Variants in AMPH observed in about 807,000 individuals in gnomAD.
AMPH encodes amphiphysin.
In AMPH, 49 loss-of-function variants were observed where a neutral mutation model predicts 99.1. That is an observed-to-expected ratio of 0.49 (90% CI 0.39 to 0.63). AMPH has a LOEUF of 0.63. AMPH is among the 20% of genes least tolerant of loss of function. AMPH has a pLI of 0.00. For synonymous variants in AMPH, 314 were observed against 317.3 expected (o/e 0.99, Z 0.11); for missense variants, 759 against 863.4 (o/e 0.88, Z 1.52).
intron 11 of AMPH, among the ~76,000 whole-genome samples, chr7:38,458,694 A>G (rs1787324865): frequency 1.3e-5 from 2 of 152,316 alleles, no homozygotes; most frequent in South Asian, 4.1e-4. Flanking sequence ...CAACTAGGAA[A>G]TAGAAGGAAC....
intron 11 of AMPH, among the ~76,000 whole-genome samples, chr7:38,439,006 C>G (rs1786399328): frequency 6.6e-6 from 1 of 152,162 alleles, no homozygotes; most frequent in Non-Finnish European, 1.5e-5. Flanking sequence ...TGAGAGGTGA[C>G]TGGATCATGG....
At chr7:38,556,235 A>T (rs1304530859) in intron 1 of AMPH, among the ~76,000 whole-genome samples, 1 of 152,224 alleles carries the variant, frequency 6.6e-6, no homozygotes, top group African/African-American at 2.4e-5. Flanking sequence ...CCTTTAAAAA[A>T]ATGTGATCGA....
At chr7:38,419,513 A>C (rs1785511535) in intron 16 of AMPH, among the ~76,000 whole-genome samples, 1 of 152,246 alleles carries the variant, frequency 6.6e-6, no homozygotes, top group South Asian at 2.1e-4. Flanking sequence ...GATAAAATTC[A>C]CACTAATATG....
chr7:38,422,470 T>C lies in AMPH; in HGVS notation c.1223A>G (p.Asp408Gly). Residue 408 changes from aspartate (D) to glycine (G), a missense_variant, in exon 16 of 21, where the codon GAT becomes GGT. Around this residue, in one of 2 missense-constraint regions of AMPH, gnomAD observed 554 missense variants for 575.6 expected, o/e 0.96. Transcript: ENST00000356264. ...TGTCTGCATTGTGAATAATGAAGTA[T>C]CCTGGGGCTGAAAATCAAGGATAAA... The part of the protein sequence containing the change: ...GSFNGFTQPQ[D>G]TSLFTMQTDQ... 6.2e-7 allele frequency: 1 copy of C among 1,613,146 alleles called. No individual in the cohort carries two copies. Among genetic ancestry groups the C allele is most frequent in the East Asian group, 2.2e-5 (1 of 44,840 alleles).
intron 18 of AMPH, among the ~76,000 whole-genome samples, chr7:38,393,470 G>T (rs1417581073): frequency 6.6e-6 from 1 of 152,134 alleles, no homozygotes; most frequent in Non-Finnish European, 1.5e-5. Flanking sequence ...GCCGAGCAGG[G>T]CCCCCTCCCG....
At chr7:38,582,918 G>T (rs909772331) in intron 1 of AMPH, among the ~76,000 whole-genome samples, 1 of 152,130 alleles carries the variant, frequency 6.6e-6, no homozygotes, top group Non-Finnish European at 1.5e-5. Flanking sequence ...AGCACAATTT[G>T]GTCCATAGAT....
chr7:38,552,344 C>T (rs1047521454), intron 1 of AMPH, among the ~76,000 whole-genome samples: 2 of 152,208 alleles, frequency 1.3e-5, no homozygotes, highest in Admixed American at 6.5e-5. Flanking sequence ...GAGGTCTGCA[C>T]AGATCATTTG....
At chr7:38,600,223 T>C (rs1453437351) in intron 1 of AMPH, among the ~76,000 whole-genome samples, 1 of 152,198 alleles carries the variant, frequency 6.6e-6, no homozygotes, top group Non-Finnish European at 1.5e-5. Flanking sequence ...ATTGCTTCTT[T>C]TGAGAACAAT....
At chr7:38,390,930 G>C (rs976416561) in intron 19 of AMPH, among the ~76,000 whole-genome samples, 5 of 145,028 alleles carry the variant, frequency 3.4e-5, no homozygotes, top group African/African-American at 1.0e-4. Context: ...TAGCAAGGTA[G>C]CAGTTACTTT....
chr7:38,566,286 G>GTCT, intron 1 of AMPH, among the ~76,000 whole-genome samples: 1 of 141,504 alleles, frequency 7.1e-6, no homozygotes, highest in East Asian at 2.0e-4. Flanking sequence ...ACTCATTAAT[G>GTCT]TCTTCTTTTG....
intron 5 of AMPH, among the ~76,000 whole-genome samples, chr7:38,480,825 T>C (rs976689259): frequency 6.6e-6 from 1 of 152,202 alleles, no homozygotes; most frequent in Non-Finnish European, 1.5e-5. Flanking sequence ...CGTAACTATA[T>C]GCAAACTCTT....
At chr7:38,420,198 T>G (rs1277648998) in intron 16 of AMPH, among the ~76,000 whole-genome samples, 1 of 152,186 alleles carries the variant, frequency 6.6e-6, no homozygotes, top group Non-Finnish European at 1.5e-5. Context: ...CAATGAAGCA[T>G]GGTTATATAT....
At chr7:38,589,890 T>C (rs1381512884) in intron 1 of AMPH, among the ~76,000 whole-genome samples, 1 of 152,188 alleles carries the variant, frequency 6.6e-6, no homozygotes, top group Non-Finnish European at 1.5e-5. Flanking sequence ...CTTAAAACAA[T>C]TCAGTGGGTG....
chr7:38,573,918 C>A (rs1792138171), intron 1 of AMPH, among the ~76,000 whole-genome samples: 1 of 152,056 alleles, frequency 6.6e-6, no homozygotes. Flanking sequence ...TATTATCATC[C>A]CCATTTTACA....
chr7:38,523,239 G>C (rs771575767), intron 2 of AMPH, among the ~76,000 whole-genome samples: 3 of 152,062 alleles, frequency 2.0e-5, no homozygotes, highest in Non-Finnish European at 2.9e-5. Flanking sequence ...GTATATACAC[G>C]TGTTGTGTGT....
At chr7:38,447,518 A>G (rs1342697005) in intron 11 of AMPH, among the ~76,000 whole-genome samples, 2 of 152,270 alleles carry the variant, frequency 1.3e-5, no homozygotes, top group East Asian at 1.9e-4. Context: ...ATTTCAATAT[A>G]TAACTATAGC....
intron 1 of AMPH, among the ~76,000 whole-genome samples, chr7:38,582,375 A>T (rs888570143): frequency 6.6e-6 from 1 of 152,192 alleles, no homozygotes; most frequent in Admixed American, 6.5e-5. Context: ...GGTTCAAGAT[A>T]GAAGAGGAGA....
chr7:38,499,397 C>T (rs1789049158), intron 3 of AMPH, among the ~76,000 whole-genome samples: 1 of 152,112 alleles, frequency 6.6e-6, no homozygotes, highest in African/African-American at 2.4e-5. Context: ...GGAAGCCACC[C>T]AGAGATCAGT....
intron 1 of AMPH, among the ~76,000 whole-genome samples, chr7:38,565,469 C>T (rs1189923218): frequency 6.6e-6 from 1 of 152,156 alleles, no homozygotes; most frequent in Non-Finnish European, 1.5e-5. Flanking sequence ...CTAGATACCT[C>T]TTCACATGGT....
Sources: gnomAD v4.1 joint callset for allele counts (sites outside exome capture counted in the v4.1 genomes callset) on GRCh38, gnomAD v4.1.1 for gene constraint, gnomAD v4.1.1 regional missense constraint, MANE v1.5 for transcripts, NCBI Gene and HGNC (gene_info 2026-07-23, HGNC 2026-07-21) for gene names.